The following MAGI2 variants were observed in gnomAD, a reference collection of about 807,000 sequenced individuals.
MAGI2 encodes membrane associated guanylate kinase, WW and PDZ domain containing 2.
Under a neutral mutation model 133.3 loss-of-function variants are expected in MAGI2, and 35 were observed. That is an observed-to-expected ratio of 0.26 (90% CI 0.20 to 0.35). MAGI2 has a LOEUF of 0.35. Ranked by LOEUF, MAGI2 falls within the 10% of genes least tolerant of loss-of-function variation. MAGI2 has a pLI of 1.00. For missense variants in MAGI2, 1,636 were observed against 1,863.4 expected, an observed-to-expected ratio of 0.88 and a Z score of 2.25; for synonymous variants, 729 against 710.6, an observed-to-expected ratio of 1.03 and a Z score of -0.41.
chr7:78,788,961 G>A lies in MAGI2; in HGVS notation c.419-161722C>T, dbSNP rs186108313. Among the ~76,000 whole-genome samples, 20 of 152,128 alleles carry A rather than the reference G, an allele frequency of 1.3e-4. No individual in the cohort carries two copies. In the South Asian group the frequency reaches 4.0e-3, roughly 30 times the overall value. ...AGAGGCCCGCTCCTTCTCCTGGGTC[G>A]CTGTCCAGATCTCATTGGTCTCCTC... is the stretch of plus-strand genomic sequence containing the variant. On this transcript the variant is annotated intron_variant, in intron 2 of 21. Transcript: ENST00000354212.
At chr7:78,832,991 C>T (rs1186899856) in intron 2 of MAGI2, among the ~76,000 whole-genome samples, 2 of 152,282 alleles carry the variant, frequency 1.3e-5, no homozygotes, top group East Asian at 1.9e-4. Flanking sequence ...TAAATGCCCT[C>T]ATCTTGCCAC....
At chr7:78,638,917 T>C (rs1207268922) in intron 2 of MAGI2, among the ~76,000 whole-genome samples, 1 of 152,218 alleles carries the variant, frequency 6.6e-6, no homozygotes, top group East Asian at 1.9e-4. Flanking sequence ...AGATTACATA[T>C]TGAGCTTAAG....
intron 10 of MAGI2, among the ~76,000 whole-genome samples, chr7:78,216,723 C>T (rs928604415): frequency 7.9e-5 from 12 of 152,194 alleles, no homozygotes; most frequent in African/African-American, 2.4e-4. Context: ...AAACCAAACC[C>T]GATAGAGGCT....
intron 2 of MAGI2, among the ~76,000 whole-genome samples, chr7:78,821,973 CA>C (rs1385534941): frequency 1.3e-5 from 2 of 151,886 alleles, no homozygotes; most frequent in Non-Finnish European, 2.9e-5. Flanking sequence ...TCTAGTTTGA[CA>C]ATCAAAATAT....
chr7:78,846,051 C>T lies in MAGI2; in HGVS notation c.418+161039G>A, dbSNP rs545097201. 2.6e-5 allele frequency among the ~76,000 whole-genome samples: 4 copies of T among 151,882 alleles called. No homozygotes were observed. In the East Asian group the frequency reaches 7.8e-4, roughly 29 times the overall value. ...AACAAATCTTATTTACTATTCAGTA[C>T]TTTTTAGGTTTTAGAAGTAGTGAGA... On this transcript the variant is annotated intron_variant, in intron 2 of 21. Transcript: ENST00000354212.
rs1307286235 is a variant in MAGI2, at chr7:79,266,254, C to T, written c.301+186766G>A. ...CCTGCCCACCCCACCCCCACCCCCACCCCCACCCTCCTCTCTGATCACTTT... is the reference window on the plus strand; with the variant it reads ...CCTGCCCACCCCACCCCCACCCCCATCCCCACCCTCCTCTCTGATCACTTT... On this transcript the variant is annotated intron_variant, in intron 1 of 21. Transcript: ENST00000354212. Among the ~76,000 whole-genome samples, 4 of 134,580 alleles carry T rather than the reference C, an allele frequency of 3.0e-5. No individual in the cohort carries two copies. In the East Asian group the frequency reaches 1.1e-3, roughly 36 times the overall value. The allele number at this position is 134,580 out of a possible 152,430, so 88.3% of individuals were successfully genotyped here. A position where few individuals can be genotyped will look rare whatever the true frequency, so the allele number is the denominator to read the frequency against.
At chr7:78,739,926 A>T (rs1258481560) in intron 2 of MAGI2, among the ~76,000 whole-genome samples, 1 of 152,140 alleles carries the variant, frequency 6.6e-6, no homozygotes, top group Non-Finnish European at 1.5e-5. Flanking sequence ...TGGGAGGCCG[A>T]GGCGGGCGGA....
At chr7:78,918,716 T>C (rs776855038) in intron 2 of MAGI2, among the ~76,000 whole-genome samples, 1 of 152,180 alleles carries the variant, frequency 6.6e-6, no homozygotes, top group Non-Finnish European at 1.5e-5. Context: ...TTTGAAGATT[T>C]GTTGACAGTG....
At chr7:78,533,478 A>G (rs1797634176) in intron 3 of MAGI2, among the ~76,000 whole-genome samples, 1 of 152,204 alleles carries the variant, frequency 6.6e-6, no homozygotes, top group Admixed American at 6.5e-5. Context: ...GTAAGGTTCC[A>G]GTGTAATCTC....
intron 10 of MAGI2, among the ~76,000 whole-genome samples, chr7:78,211,929 C>T (rs984278610): frequency 6.6e-6 from 1 of 152,212 alleles, no homozygotes; most frequent in Non-Finnish European, 1.5e-5. Context: ...CCAGTTCCTC[C>T]TGATCCTGGT....
At chr7:79,293,136 T>C (rs1836639631) in intron 1 of MAGI2, among the ~76,000 whole-genome samples, 2 of 152,316 alleles carry the variant, frequency 1.3e-5, no homozygotes, top group South Asian at 4.1e-4. Context: ...TGTTTATTCC[T>C]ATATCAGACC....
At chr7:78,730,861 C>G (rs933117877) in intron 2 of MAGI2, among the ~76,000 whole-genome samples, 3 of 152,094 alleles carry the variant, frequency 2.0e-5, no homozygotes, top group Non-Finnish European at 4.4e-5. Flanking sequence ...TTGGCTTTCT[C>G]CCTGGGTAGC....
At chr7:78,633,437 G>A (rs2150969802) in intron 2 of MAGI2, among the ~76,000 whole-genome samples, 1 of 152,122 alleles carries the variant, frequency 6.6e-6, no homozygotes. Flanking sequence ...TGGGGGCGGT[G>A]GTTCATGCCT....
chr7:78,484,593 A>G (rs139269847), intron 6 of MAGI2: 1 of 152,122 alleles, frequency 6.6e-6, no homozygotes, highest in Non-Finnish European at 1.5e-5. Flanking sequence ...AGCTAGATGG[A>G]TAATTTTAGC....
intron 2 of MAGI2, among the ~76,000 whole-genome samples, chr7:78,851,224 T>A (rs1011313872): frequency 6.8e-6 from 1 of 146,558 alleles, no homozygotes; most frequent in Non-Finnish European, 1.5e-5. Context: ...GGGATTTTCT[T>A]GCCACCTTCA....
At chr7:78,514,706 A>G (rs1217690963) in intron 4 of MAGI2, among the ~76,000 whole-genome samples, 1 of 152,220 alleles carries the variant, frequency 6.6e-6, no homozygotes, top group East Asian at 1.9e-4. Context: ...TAGGGAGGAC[A>G]TAATTCTTCT....
intron 3 of MAGI2, among the ~76,000 whole-genome samples, chr7:78,597,239 T>G (rs1015907459): frequency 2.0e-5 from 3 of 152,206 alleles, no homozygotes; most frequent in Admixed American, 2.0e-4. Context: ...ACTGAGTTAT[T>G]TCTGAGCATA....
At chr7:78,329,134 C>T (rs1788908070) in intron 9 of MAGI2, among the ~76,000 whole-genome samples, 1 of 152,128 alleles carries the variant, frequency 6.6e-6, no homozygotes, top group Admixed American at 6.5e-5. Context: ...GTACTCTTGT[C>T]ACTTCATGCA....
intron 2 of MAGI2, among the ~76,000 whole-genome samples, chr7:78,769,337 G>C (rs1046607945): frequency 6.6e-6 from 1 of 151,782 alleles, no homozygotes. Context: ...TTTCCTTAAA[G>C]AAATTGTTTG....
Sources: gnomAD v4.1 joint callset for allele counts (sites outside exome capture counted in the v4.1 genomes callset) on GRCh38, gnomAD v4.1.1 for gene constraint, MANE v1.5 for transcripts, NCBI Gene and HGNC (gene_info 2026-07-23, HGNC 2026-07-21) for gene names.